The following FAM168B variants were observed in gnomAD, a reference collection of about 807,000 sequenced individuals.
The protein encoded by FAM168B is myelin-associated neurite-outgrowth inhibitor.
A neutral mutation model predicts 21.8 loss-of-function variants in FAM168B; 19 were observed. The ratio of observed to expected loss-of-function variants is 0.87; its 90% CI spans 0.61 to 1.28. The LOEUF is 1.28. Among genes scored for constraint, FAM168B ranks in the 50% most tolerant of loss-of-function variants. The pLI is 0.00. For synonymous variants in FAM168B, 126 were observed against 104.8 expected (o/e 1.20, Z -1.24); for missense variants, 233 against 263.1 (o/e 0.89, Z 0.79).
intron 3 of FAM168B, among the ~76,000 whole-genome samples, chr2:131,059,597 T>C (rs1484840926): frequency 6.6e-6 from 1 of 152,210 alleles, no homozygotes; most frequent in African/African-American, 2.4e-5. Flanking sequence ...TTTATAAAAA[T>C]GTCAAAACAT....
chr2:131,077,130 A>C (rs1693195483), intron 2 of FAM168B, among the ~76,000 whole-genome samples: 1 of 151,588 alleles, frequency 6.6e-6, no homozygotes, highest in African/African-American at 2.4e-5. Flanking sequence ...CACTTCAAAC[A>C]ACTCCAATGC....
In FAM168B at chr2:131,051,258, T is replaced by G. The variant is rs1691658171; in HGVS notation, c.*1207A>C. On this transcript the variant is annotated 3_prime_UTR_variant, in exon 7 of 7. Coordinates refer to ENST00000389915, the MANE Select transcript of FAM168B (RefSeq NM_001009993.4). ...CAGCAGACAAGTCACCACCATCAGG[T>G]GGGTGATCCCAGAAGCAGCTACAGG... The G allele has an allele frequency of 1.0e-6, 1 of 985,128 alleles. No individual in the cohort carries two copies. Among genetic ancestry groups the G allele is most frequent in the Non-Finnish European group, 1.2e-6 (1 of 829,914 alleles). The allele number at this position is 985,128 out of a possible 1,614,324, so 61.0% of individuals were successfully genotyped here.
intron 1 of FAM168B, among the ~76,000 whole-genome samples, chr2:131,084,274 T>C (rs549325193): frequency 2.8e-5 from 4 of 143,638 alleles, no homozygotes; most frequent in African/African-American, 1.0e-4. Context: ...ACTGCAACCT[T>C]GACCTCCTGG....
At chr2:131,092,836 T>C (rs1368197288) in intron 1 of FAM168B, among the ~76,000 whole-genome samples, 1 of 152,188 alleles carries the variant, frequency 6.6e-6, no homozygotes, top group Admixed American at 6.5e-5. Context: ...TTATCTTTAC[T>C]TCGTGGGTAG....
chr2:131,079,157 C>T (rs947217099), intron 2 of FAM168B, among the ~76,000 whole-genome samples: 1 of 151,798 alleles, frequency 6.6e-6, no homozygotes, highest in African/African-American at 2.4e-5. Flanking sequence ...CAGGCTGGCT[C>T]TAAATCCAAT....
chr2:131,074,546 C>T (rs576283149), intron 2 of FAM168B, among the ~76,000 whole-genome samples: 1 of 152,310 alleles, frequency 6.6e-6, no homozygotes, highest in Admixed American at 6.5e-5. Flanking sequence ...ACTTCCTTCA[C>T]CTGTAAATAA....
intron 2 of FAM168B, 89 bp from the exon 3 acceptor site, chr2:131,072,027 T>C (rs1236965139): frequency 1.8e-6 from 2 of 1,136,226 alleles, no homozygotes; most frequent in South Asian, 2.6e-5. Context: ...CTTACCTTCT[T>C]CCCCAGAACT....
intron 4 of FAM168B, 27 bp from the exon 5 acceptor site, chr2:131,055,476 A>G (rs1691964862): frequency 2.5e-6 from 4 of 1,604,268 alleles, no homozygotes; most frequent in Non-Finnish European, 3.4e-6. Context: ...GACAACTGAC[A>G]CAGGGTCCCA....
At chr2:131,090,078 G>A (rs1693927923) in intron 1 of FAM168B, among the ~76,000 whole-genome samples, 1 of 150,094 alleles carries the variant, frequency 6.7e-6, no homozygotes, top group Non-Finnish European at 1.5e-5. Flanking sequence ...CCAGCACTTC[G>A]GGAGGCCGAC....
chr2:131,055,653 G>T lies in FAM168B; in HGVS notation c.197C>A (p.Thr66Asn), dbSNP rs1278891516. The change falls in exon 4 of 7, where the codon ACC becomes AAC. Residue 66 changes from threonine (T) to asparagine (N), a missense_variant. Transcript: ENST00000389915. Reference protein sequence around the residue: ...GTPYKVSCSPTSGAVPPYSSS... With the variant: ...GTPYKVSCSPNSGAVPPYSSS... ...GGAGTACGGTGGCACAGCCCCGCTG[G>T]TGGGGGAACAGGACACTTTGTAAGG... 2 of 1,613,568 alleles carry T rather than the reference G, an allele frequency of 1.2e-6. No individual in the cohort carries two copies. The highest frequency in any genetic ancestry group is 1.7e-5 in the Admixed American group (1 of 59,922).
chr2:131,086,507 G>C (rs1029865123), intron 1 of FAM168B, among the ~76,000 whole-genome samples: 2 of 152,150 alleles, frequency 1.3e-5, no homozygotes, highest in African/African-American at 4.8e-5. Context: ...AGCTACTTGA[G>C]ATCAATTGAG....
chr2:131,050,178 A>C lies in FAM168B; in HGVS notation c.*2287T>G, dbSNP rs1691571247. 1 of 985,346 alleles carries C rather than the reference A, an allele frequency of 1.0e-6. No homozygotes were observed. The highest frequency in any genetic ancestry group is 1.2e-6 in the Non-Finnish European group (1 of 829,950). The allele number at this position is 985,346 out of a possible 1,614,324, so 61.0% of individuals were successfully genotyped here. A position where few individuals can be genotyped will look rare whatever the true frequency, so the allele number is the denominator to read the frequency against. On this transcript the variant is annotated 3_prime_UTR_variant, in exon 7 of 7. Transcript: ENST00000389915. ...AAACACCATCCTGTGTGTGCCAAGTACCAAGCAAGCCTGAAGAGATGCCTG... is the reference window on the plus strand; with the variant it reads ...AAACACCATCCTGTGTGTGCCAAGTCCCAAGCAAGCCTGAAGAGATGCCTG...
rs1434131763 is a variant in FAM168B at position 131,055,371 on chromosome 2, C to T, written c.376G>A (p.Gly126Ser). The T allele has an allele frequency of 3.1e-6, 5 of 1,601,102 alleles. No individual in the cohort carries two copies. The highest frequency in any genetic ancestry group is 3.4e-6 in the Non-Finnish European group (4 of 1,176,414). ...IHHTTVVQPN[G>S]MPATVYPAPI... Reference sequence around the variant, plus strand: ...GCAGGGTACACCGTTGCAGGCATGCCGTTGGGCTGCACCACCGTGGTGTGG... The same window carrying T: ...GCAGGGTACACCGTTGCAGGCATGCTGTTGGGCTGCACCACCGTGGTGTGG... Residue 126 changes from glycine to serine, a missense_variant, in exon 5 of 7, where the codon GGC (glycine) becomes AGC (serine). Physicochemically the swap from Gly to Ser is moderately conservative, Grantham distance 56 (BLOSUM62 0). Transcript: ENST00000389915.
chr2:131,087,031 A>C lies in FAM168B; in HGVS notation c.-11-4374T>G, dbSNP rs1389120144. 2.5e-5 allele frequency among the ~76,000 whole-genome samples: 2 copies of C among 79,740 alleles called. 1 individual carries two copies. Among genetic ancestry groups the C allele is most frequent in the Non-Finnish European group, 4.0e-5 (2 of 50,174 alleles). 52.3% of individuals were successfully genotyped at this position (79,740 alleles called of 152,430 possible). A position where few individuals can be genotyped will look rare whatever the true frequency, so the allele number is the denominator to read the frequency against. ...CAGTGAGCCGAGATTGCGCCACTGC[A>C]CTCCAGCCTGGGCGACAGCGAGACT... On this transcript the variant is annotated intron_variant, in intron 1 of 6. Coordinates refer to ENST00000389915, the MANE Select transcript of FAM168B (RefSeq NM_001009993.4).
In FAM168B at chr2:131,052,394, G is replaced by A. The variant is rs1691732248; in HGVS notation, c.*71C>T. 1 of 987,028 alleles carries A rather than the reference G, an allele frequency of 1.0e-6. No individual in the cohort carries two copies. The highest frequency in any genetic ancestry group is 1.7e-5 in the African/African-American group (1 of 57,250). The allele number at this position is 987,028 out of a possible 1,614,324, so 61.1% of individuals were successfully genotyped here. A position where few individuals can be genotyped will look rare whatever the true frequency, so the allele number is the denominator to read the frequency against. ...AGAAAGTCCTGGTTGGAGGCGCAAG[G>A]CCTGCAGCACCAGCTGTGGAATCCC... On this transcript the variant is annotated 3_prime_UTR_variant, in exon 7 of 7. Coordinates refer to ENST00000389915, the MANE Select transcript of FAM168B (RefSeq NM_001009993.4).
At chr2:131,087,944 A>G in intron 1 of FAM168B, among the ~76,000 whole-genome samples, 1 of 152,144 alleles carries the variant, frequency 6.6e-6, no homozygotes, top group East Asian at 1.9e-4. Context: ...GCCTAGACCA[A>G]TAATAATAAA....
chr2:131,048,113 G>T lies in FAM168B; in HGVS notation c.*4352C>A. The T allele has an allele frequency of 9.0e-7, 1 of 1,115,192 alleles. No homozygotes were observed. The highest frequency in any genetic ancestry group is 1.2e-6 in the Non-Finnish European group (1 of 861,978). The allele number at this position is 1,115,192 out of a possible 1,614,324, so 69.1% of individuals were successfully genotyped here. ...GATGCCTTTAACACTGGAAGACAAT[G>T]CTGACTTAGCTTAAAAAAAGTACCG... On this transcript the variant is annotated 3_prime_UTR_variant, in exon 7 of 7. Coordinates refer to ENST00000389915, the MANE Select transcript of FAM168B (RefSeq NM_001009993.4).
chr2:131,077,461 C>T (rs1693215255), intron 2 of FAM168B, among the ~76,000 whole-genome samples: 1 of 152,202 alleles, frequency 6.6e-6, no homozygotes. Context: ...GCAAATGTGC[C>T]TCACAGTCTG....
In FAM168B at chr2:131,083,340, G is replaced by A. The variant is rs866480012; in HGVS notation, c.-11-683C>T. 3.9e-5 allele frequency among the ~76,000 whole-genome samples: 6 copies of A among 152,268 alleles called. No homozygotes were observed. In the South Asian group the frequency reaches 1.0e-3, roughly 26 times the overall value. On this transcript the variant is annotated intron_variant, in intron 1 of 6. Transcript: ENST00000389915. ...CTGCACTCCAGCCTGGCGACAGAGC[G>A]AGACTCCGTCTCAAAAAAACAAAAC...
Sources: allele counts gnomAD v4.1 joint callset (sites outside exome capture counted in the v4.1 genomes callset), GRCh38; gene constraint gnomAD v4.1.1; transcripts MANE v1.5; gene names NCBI Gene and HGNC (gene_info 2026-07-23, HGNC 2026-07-21).